ATAD2: variants seen among roughly 807,000 people sequenced by gnomAD.
The protein encoded by ATAD2 is ATPase family AAA domain containing 2, also known as ATPase family AAA domain-containing protein 2.
In ATAD2, 62 loss-of-function variants were observed where a neutral mutation model predicts 168.9. The observed-to-expected ratio is 0.37, with a 90% CI of 0.30 to 0.45. The LOEUF is 0.45. Among genes scored for constraint, ATAD2 ranks in the 20% least tolerant of loss-of-function variants. ATAD2 has a pLI of 1.00. For missense variants in ATAD2, 1,419 were observed against 1,667.8 expected (o/e 0.85, Z 2.60); for synonymous variants, 613 against 571.6 (o/e 1.07, Z -1.03).
rs772304515 is a variant in ATAD2, at chr8:123,321,830, G to A, written c.4132-655C>T. Among the ~76,000 whole-genome samples, 60 of 152,206 alleles carry A rather than the reference G, an allele frequency of 3.9e-4. 1 individual carries two copies. The highest frequency in any genetic ancestry group is 3.4e-3 in the Middle Eastern group (1 of 294). On this transcript the variant is annotated intron_variant, in intron 27 of 27. Transcript: ENST00000287394. ...CTTGCCTATAATCTCAGTTACTTGA[G>A]AAGCTGAGGCAGGATTGCCTGAGCT...
intron 1 of ATAD2, among the ~76,000 whole-genome samples, chr8:123,383,043 C>A (rs1015939523): frequency 6.6e-6 from 1 of 152,130 alleles, no homozygotes; most frequent in Non-Finnish European, 1.5e-5. Context: ...ATGTCATTTG[C>A]AGGGACATGG....
At chr8:123,367,721 G>A (rs995957454) in intron 8 of ATAD2, among the ~76,000 whole-genome samples, 6 of 152,112 alleles carry the variant, frequency 3.9e-5, no homozygotes, top group East Asian at 1.9e-4. Context: ...TTGTCTTCCC[G>A]ATCCTCCATC....
chr8:123,395,123 C>T (rs980707965), intron 1 of ATAD2, among the ~76,000 whole-genome samples: 2 of 152,168 alleles, frequency 1.3e-5, no homozygotes, highest in Non-Finnish European at 2.9e-5. Context: ...ATTCTCATTC[C>T]CAAGTTCCCA....
rs1554646754 is a variant in ATAD2 at position 123,379,892 on chromosome 8, T to TTTA, written c.320+636_320+637insTAA. 2.8e-5 allele frequency among the ~76,000 whole-genome samples: 4 copies of TTTA among 143,872 alleles called. No homozygotes were observed. In the East Asian group the frequency reaches 6.2e-4, roughly 22 times the overall value. 94.4% of individuals were successfully genotyped at this position (143,872 alleles called of 152,430 possible). A position where few individuals can be genotyped will look rare whatever the true frequency, so the allele number is the denominator to read the frequency against. The stretch of plus-strand genomic sequence containing the variant: ...CACGTATTATTATTATTATTATTAT[T>TTTA]TTTTTTTTTTTGAGACTGAGTTTCG... On this transcript the variant is annotated intron_variant, in intron 2 of 27. Transcript: ENST00000287394.
chr8:123,372,719 A>T (rs1240679074), intron 2 of ATAD2, 33 bp from the exon 3 acceptor site: 1 of 1,497,448 alleles, frequency 6.7e-7, no homozygotes, highest in East Asian at 2.3e-5. Flanking sequence ...AATTCAAAAT[A>T]ATTGACATAA....
Position 123,369,048 on chromosome 8 carries a change from A to G in ATAD2, c.1049+10T>C. 6.7e-7 allele frequency: 1 copy of G among 1,494,384 alleles called. No individual in the cohort carries two copies. 92.6% of individuals were successfully genotyped at this position (1,494,384 alleles called of 1,614,324 possible). ...GTTGTCATAAATCAATCACTATATC[A>G]GAACCAAACCTGTTCATTCGTTTAC... On this transcript the variant is annotated intron_variant, in intron 8 of 27. Transcript: ENST00000287394.
upstream of ATAD2, chr8:123,400,634 C>T (rs574012562): frequency 1.6e-4 from 106 of 658,760 alleles, no homozygotes; most frequent in African/African-American, 1.2e-3. This position sits in a 1 kb window ranked among gnomAD's most constrained non-coding sequence, Gnocchi z 4.5. Context: ...GGGCTCACCA[C>T]GCAGCAGCTC....
At chr8:123,361,415 A>G in intron 9 of ATAD2, 124 bp downstream of exon 9, 1 of 637,846 alleles carries the variant, frequency 1.6e-6, no homozygotes. Flanking sequence ...TCTAGTTTAT[A>G]CATTAACCTG....
At chr8:123,386,403 T>A (rs571415973) in intron 1 of ATAD2, among the ~76,000 whole-genome samples, 1 of 152,238 alleles carries the variant, frequency 6.6e-6, no homozygotes, top group African/African-American at 2.4e-5. Flanking sequence ...CTAAGTGAAA[T>A]AAGCAAGTCA....
chr8:123,337,656 C>T lies in ATAD2; in HGVS notation c.3020G>A (p.Arg1007Gln), dbSNP rs1355271043. ...AGGGTCAACAGGCTTAGTAAACACT[C>T]GGAATCGCTTGTCAATAGCAAGCCT... ...THRLAIDKRF[R>Q]VFTKPVDPDE... Residue 1007 changes from arginine (R) to glutamine (Q), a missense_variant, in exon 21 of 28, where the codon CGA (arginine) becomes CAA (glutamine). By Grantham distance (43) the Arg-to-Gln change is conservative. Around this residue, in one of 5 missense-constraint regions of ATAD2, gnomAD observed 545 missense variants for 724.9 expected, o/e 0.75. Coordinates refer to ENST00000287394, the MANE Select transcript of ATAD2 (RefSeq NM_014109.4). The T allele has an allele frequency of 6.8e-6, 11 of 1,611,518 alleles. No homozygotes were observed. The highest frequency in any genetic ancestry group is 1.3e-5 in the African/African-American group (1 of 74,826).
At chr8:123,322,875 C>A (rs1827509408) in intron 27 of ATAD2, 63 bp downstream of exon 27, 1 of 1,513,728 alleles carries the variant, frequency 6.6e-7, no homozygotes, top group Non-Finnish European at 9.0e-7. Context: ...AACAATCCTA[C>A]ATAAGTGATA....
chr8:123,346,814 A>G, intron 16 of ATAD2, 64 bp from the exon 17 acceptor site: 6 of 1,441,156 alleles, frequency 4.2e-6, no homozygotes, highest in Non-Finnish European at 1.9e-6. Context: ...TTATTGCTTC[A>G]GTTACCAAGT....
chr8:123,356,648 T>C (rs1167260774), intron 12 of ATAD2, among the ~76,000 whole-genome samples, 171 bp from the exon 13 acceptor site: 2 of 151,508 alleles, frequency 1.3e-5, no homozygotes, highest in Admixed American at 6.6e-5. Context: ...AGAATTTATA[T>C]ATAATTTTTT....
intron 9 of ATAD2, among the ~76,000 whole-genome samples, chr8:123,360,632 A>G (rs559328113): frequency 3.9e-4 from 60 of 152,262 alleles, no homozygotes; most frequent in African/African-American, 1.4e-3. Flanking sequence ...CGGTAATCCC[A>G]GCTGAGTCAC....
intron 25 of ATAD2, 84 bp downstream of exon 25, chr8:123,328,106 A>T (rs1443393279): frequency 1.7e-6 from 2 of 1,151,630 alleles, no homozygotes; most frequent in East Asian, 3.0e-5. Flanking sequence ...AGCAAAAAGC[A>T]ATAAACTAAG....
At chr8:123,396,651 CTTCT>C (rs982758941), upstream of ATAD2, among the ~76,000 whole-genome samples, 7 of 152,364 alleles carry the variant, frequency 4.6e-5, no homozygotes, top group South Asian at 2.1e-4. Flanking sequence ...AAAACGCTGA[CTTCT>C]TTTTCTTCAC....
intron 15 of ATAD2, 39 bp from the exon 16 acceptor site, chr8:123,347,445 C>T (rs372973358): frequency 1.3e-6 from 2 of 1,511,800 alleles, no homozygotes; most frequent in African/African-American, 1.4e-5. Flanking sequence ...AACCAGCCGA[C>T]CAAACAAAGA....
At chr8:123,333,748 G>C in intron 24 of ATAD2, 130 bp downstream of exon 24, 1 of 1,062,850 alleles carries the variant, frequency 9.4e-7, no homozygotes, top group Non-Finnish European at 1.3e-6. Context: ...ATGCAAAGTT[G>C]TCTTAATAGT....
At chr8:123,352,663 T>C (rs1355615088) in intron 13 of ATAD2, 2 of 150,364 alleles carry the variant, frequency 1.3e-5, no homozygotes, top group African/African-American at 2.4e-5. Context: ...ATGCCAAGAA[T>C]AGAAATTAAG....
Sources: gnomAD v4.1 joint callset for allele counts (sites outside exome capture counted in the v4.1 genomes callset) on GRCh38, gnomAD v4.1.1 for gene constraint, gnomAD v4.1.1 regional missense constraint, Gnocchi (gnomAD v3.1) non-coding constraint, MANE v1.5 for transcripts, NCBI Gene and HGNC (gene_info 2026-07-23, HGNC 2026-07-21) for gene names.